Variants in MARCHF4 observed in about 807,000 individuals in gnomAD.
The protein encoded by MARCHF4 is E3 ubiquitin-protein ligase MARCHF4.
MARCHF4 carries 14 observed loss-of-function variants against 43.9 expected under a neutral mutation model. The observed-to-expected ratio is 0.32, with a 90% CI of 0.21 to 0.50. MARCHF4 has a LOEUF of 0.50. MARCHF4 is among the 20% of genes least tolerant of loss of function. The probability of loss-of-function intolerance (pLI) is 0.98; values close to 1 mark genes in which losing one functional copy is unlikely to be tolerated. For missense variants in MARCHF4, 468 were observed against 536.7 expected, an observed-to-expected ratio of 0.87 and a Z score of 1.27; for synonymous variants, 226 against 213.3, an observed-to-expected ratio of 1.06 and a Z score of -0.52.
chr2:216,354,998 G>C (rs1451358371), intron 1 of MARCHF4, among the ~76,000 whole-genome samples: 2 of 110,406 alleles, frequency 1.8e-5, no homozygotes, highest in Non-Finnish European at 3.6e-5. Context: ...TTGAGACAGA[G>C]TCTAACTTTG....
chr2:216,337,162 A>T (rs558854736), intron 1 of MARCHF4, among the ~76,000 whole-genome samples: 38 of 152,246 alleles, frequency 2.5e-4, no homozygotes, highest in African/African-American at 8.9e-4. Context: ...GAAAAAAAAA[A>T]AAAAGAAAGG....
At chr2:216,363,452 C>T (rs1446378150) in intron 1 of MARCHF4, among the ~76,000 whole-genome samples, 3 of 152,234 alleles carry the variant, frequency 2.0e-5, no homozygotes, top group African/African-American at 4.8e-5. Context: ...TGTAAGATAG[C>T]TATACCTGTG....
chr2:216,275,423 CA>C (rs1243944351), intron 3 of MARCHF4, among the ~76,000 whole-genome samples: 1 of 152,154 alleles, frequency 6.6e-6, no homozygotes, highest in Non-Finnish European at 1.5e-5. Flanking sequence ...CTCAAAGTCA[CA>C]GGTGGCATCT....
intron 2 of MARCHF4, among the ~76,000 whole-genome samples, chr2:216,278,982 G>A (rs1053124373): frequency 6.6e-6 from 1 of 152,198 alleles, no homozygotes; most frequent in Non-Finnish European, 1.5e-5. Flanking sequence ...CACTATGCTA[G>A]GTGTTGGCAA....
intron 3 of MARCHF4, among the ~76,000 whole-genome samples, chr2:216,263,713 G>A (rs976286449): frequency 7.9e-5 from 12 of 152,182 alleles, no homozygotes; most frequent in African/African-American, 2.7e-4. Context: ...CACAGTGTGT[G>A]TGGGGGAAAG....
At chr2:216,366,078 C>T (rs1250663466) in intron 1 of MARCHF4, among the ~76,000 whole-genome samples, 1 of 152,228 alleles carries the variant, frequency 6.6e-6, no homozygotes, top group Non-Finnish European at 1.5e-5. Context: ...AGGAACAGCA[C>T]TCTCTTGCAT....
chr2:216,319,216 G>A (rs1691839483), intron 1 of MARCHF4, among the ~76,000 whole-genome samples: 2 of 152,166 alleles, frequency 1.3e-5, no homozygotes. Context: ...GATGAGGCAG[G>A]AGAATCGCTT....
At chr2:216,314,912 C>A (rs1272836976) in intron 1 of MARCHF4, among the ~76,000 whole-genome samples, 1 of 152,094 alleles carries the variant, frequency 6.6e-6, no homozygotes, top group East Asian at 1.9e-4. Context: ...GAAGCCCTTT[C>A]TAAATGTGAC....
intron 1 of MARCHF4, among the ~76,000 whole-genome samples, chr2:216,306,789 C>T (rs775562590): frequency 3.9e-5 from 6 of 152,158 alleles, no homozygotes; most frequent in Non-Finnish European, 8.8e-5. Flanking sequence ...CATACAGAGA[C>T]TCTGTGATAC....
At chr2:216,339,229 A>G (rs992688548) in intron 1 of MARCHF4, among the ~76,000 whole-genome samples, 18 of 152,314 alleles carry the variant, frequency 1.2e-4, no homozygotes, top group African/African-American at 4.3e-4. Flanking sequence ...CTAGGCATCT[A>G]TGGGAGAAGA....
At chr2:216,307,226 G>T (rs1049028397) in intron 1 of MARCHF4, among the ~76,000 whole-genome samples, 1 of 152,102 alleles carries the variant, frequency 6.6e-6, no homozygotes. Flanking sequence ...AGGCAGCCCC[G>T]CAGGGACTCA....
At chr2:216,311,784 C>G (rs138342014) in intron 1 of MARCHF4, among the ~76,000 whole-genome samples, 1 of 152,104 alleles carries the variant, frequency 6.6e-6, no homozygotes, top group Non-Finnish European at 1.5e-5. Context: ...AGCCCAGAAA[C>G]GACTTAGCCA....
At chr2:216,369,342 G>A (rs892642573) in intron 1 of MARCHF4, among the ~76,000 whole-genome samples, 5 of 152,188 alleles carry the variant, frequency 3.3e-5, no homozygotes, top group African/African-American at 1.2e-4. Context: ...GGAAGAAGTT[G>A]GGATATGGGA....
At chr2:216,313,576 G>A (rs1691724059) in intron 1 of MARCHF4, among the ~76,000 whole-genome samples, 1 of 152,142 alleles carries the variant, frequency 6.6e-6, no homozygotes, top group Non-Finnish European at 1.5e-5. Context: ...ACATGAGGTG[G>A]CACTTGAAAC....
At chr2:216,313,846 C>T (rs1350191750) in intron 1 of MARCHF4, among the ~76,000 whole-genome samples, 1 of 152,070 alleles carries the variant, frequency 6.6e-6, no homozygotes, top group Non-Finnish European at 1.5e-5. Flanking sequence ...CCAGTAAATA[C>T]CATTAATTAA....
rs1265766299 is a variant in MARCHF4, at chr2:216,293,667, T to C, written c.517-9938A>G. ...ATGTTTTTCATTTTCACAATAATTA[T>C]TTTGTTCCTACAGTGCTTTTCTCCC... is the stretch of plus-strand genomic sequence containing the variant. On this transcript the variant is annotated intron_variant, in intron 1 of 3. Coordinates refer to ENST00000273067, the MANE Select transcript of MARCHF4 (RefSeq NM_020814.3). 4.7e-5 allele frequency among the ~76,000 whole-genome samples: 4 copies of C among 85,132 alleles called. 1 individual carries two copies. In the Admixed American group the frequency reaches 4.9e-4, roughly 10 times the overall value. The allele number at this position is 85,132 out of a possible 152,430, so 55.8% of individuals were successfully genotyped here.
chr2:216,307,265 C>T (rs1192403589), intron 1 of MARCHF4, among the ~76,000 whole-genome samples: 1 of 152,058 alleles, frequency 6.6e-6, no homozygotes, highest in Non-Finnish European at 1.5e-5. Context: ...CTGAGGGAGT[C>T]CATCAGTGTT....
At chr2:216,313,744 A>G (rs1691727506) in intron 1 of MARCHF4, among the ~76,000 whole-genome samples, 1 of 152,198 alleles carries the variant, frequency 6.6e-6, no homozygotes, top group Non-Finnish European at 1.5e-5. Flanking sequence ...AGGAGCATAG[A>G]TTTTTTCAGG....
intron 3 of MARCHF4, chr2:216,265,669 A>AT (rs1315204794): frequency 6.6e-6 from 1 of 152,026 alleles, no homozygotes; most frequent in African/African-American, 2.4e-5. Context: ...TAATTTCTGC[A>AT]TTTTTTATAG....
Sources: gnomAD v4.1 joint callset for allele counts (sites outside exome capture counted in the v4.1 genomes callset) on GRCh38, gnomAD v4.1.1 for gene constraint, MANE v1.5 for transcripts, NCBI Gene and HGNC (gene_info 2026-07-23, HGNC 2026-07-21) for gene names.